Variants in CIITA observed in about 807,000 individuals in gnomAD.
CIITA encodes class II major histocompatibility complex transactivator, also known as MHC class II transactivator.
Under a neutral mutation model 115.1 loss-of-function variants are expected in CIITA, and 72 were observed. That is an observed-to-expected ratio of 0.63 (90% confidence interval 0.52 to 0.76). CIITA has a LOEUF of 0.76. Among genes scored for constraint, CIITA ranks in the 30% least tolerant of loss-of-function variants. The pLI is 0.00. For synonymous variants in CIITA, 763 were observed against 635.6 expected (o/e 1.20, Z -3.02); for missense variants, 1,617 against 1,463.8 (o/e 1.10, Z -1.71).
At position 10,942,041 on chromosome 16, in the gene CIITA, G is replaced by A; in HGVS notation, n.1167G>A. On this transcript the variant is annotated non_coding_transcript_exon_variant, in exon 2 of 2. Coordinates refer to the CIITA transcript ENST00000573379. The surrounding 1 kb of genome is among the most constrained non-coding windows in gnomAD (Gnocchi z 5.0). ...GCAAGGGCGGCGGCCCGGCGATCCCGGCGAACTCAGCCGCTGCGGCGCCCG... is the reference window on the plus strand; with the variant it reads ...GCAAGGGCGGCGGCCCGGCGATCCCAGCGAACTCAGCCGCTGCGGCGCCCG... 2 of 1,359,684 alleles carry A rather than the reference G, an allele frequency of 1.5e-6. No homozygotes were observed. The highest frequency in any genetic ancestry group is 1.9e-6 in the Non-Finnish European group (2 of 1,058,960). The allele number at this position is 1,359,684 out of a possible 1,614,324, so 84.2% of individuals were successfully genotyped here. A position where few individuals can be genotyped will look rare whatever the true frequency, so the allele number is the denominator to read the frequency against.
rs955341053 is a variant in CIITA, at chr16:10,923,548, G to T, written c.*22+223G>T. 1.3e-5 allele frequency among the ~76,000 whole-genome samples: 2 copies of T among 152,124 alleles called. No individual in the cohort carries two copies. Among genetic ancestry groups the T allele is most frequent in the African/African-American group, 2.4e-5 (1 of 41,424 alleles). ...CCTGTGGTCAGGCTTAGAGATCAGGGGACAGGAAAGTTGGCCATCCACATC... is the reference window on the plus strand; with the variant it reads ...CCTGTGGTCAGGCTTAGAGATCAGGTGACAGGAAAGTTGGCCATCCACATC... On this transcript the variant is annotated intron_variant, in intron 19 of 19. Coordinates refer to ENST00000324288, the MANE Select transcript of CIITA (RefSeq NM_000246.4). This position sits in a 1 kb window ranked among gnomAD's most constrained non-coding sequence, Gnocchi z 5.2.
intron 1 of CIITA, among the ~76,000 whole-genome samples, chr16:10,881,081 C>G (rs964197098): frequency 6.6e-6 from 1 of 152,132 alleles, no homozygotes. Context: ...CAAGACCAGC[C>G]TGGGCAACCT....
Position 10,908,108 on chromosome 16 carries a change from A to T in CIITA, c.2616A>T (p.Gly872=). 1 of 1,596,502 alleles carries T rather than the reference A, an allele frequency of 6.3e-7. No homozygotes were observed. Among genetic ancestry groups the T allele is most frequent in the Non-Finnish European group, 8.5e-7 (1 of 1,171,532 alleles). ...DLRSTGICPS[G]LGSLVGLSCV... ...GCAGCACTGGCATTTGCCCCTCTGG[A>T]TTGGGGAGCCTCGTGGGACTCAGCT... Residue 872 remains glycine, a synonymous_variant, in exon 11 of 20, where the codon GGA becomes GGT. Transcript: ENST00000324288.
intron 1 of CIITA, among the ~76,000 whole-genome samples, chr16:10,885,338 A>ATGTGTATGTG (rs2036836414): frequency 6.6e-6 from 1 of 152,016 alleles, no homozygotes; most frequent in African/African-American, 2.4e-5. Flanking sequence ...ACACACATAC[A>ATGTGTATGTG]CATGCACACA....
chr16:10,936,674 A>G (rs553582370), downstream of CIITA: 1 of 152,334 alleles, frequency 6.6e-6, no homozygotes, highest in East Asian at 1.9e-4. Flanking sequence ...CCTGGCAGAA[A>G]CTATGAGCTG....
Position 10,906,176 on chromosome 16 carries a change from T to C in CIITA, c.1007-323T>C, listed in dbSNP as rs576564836. Among the ~76,000 whole-genome samples the C allele has an allele frequency of 2.6e-5, 4 of 152,098 alleles. No individual in the cohort carries two copies. In the East Asian group the frequency reaches 5.8e-4, roughly 22 times the overall value. On this transcript the variant is annotated intron_variant, in intron 10 of 19. Transcript: ENST00000324288. ...CCATTGCACGCCAGCCTGGGCGACA[T>C]AGTGAGACCCCATCTCTACAAAAAA... is the stretch of plus-strand genomic sequence containing the variant.
Position 10,907,034 on chromosome 16 carries a change from G to A in CIITA, c.1542G>A (p.Thr514=), listed in dbSNP as rs2228239. 204 of 1,607,708 alleles carry A rather than the reference G, an allele frequency of 1.3e-4. 1 individual carries two copies. Among genetic ancestry groups the A allele is most frequent in the East Asian group, 4.5e-5 (2 of 44,854 alleles). ...LEAQDGFLHS[T]CGPAPAEPCS... Reference sequence around the variant, plus strand: ...CGCAAGATGGCTTCCTGCACAGCACGTGCGGACCGGCACCGGCGGAGCCCT... The same window carrying A: ...CGCAAGATGGCTTCCTGCACAGCACATGCGGACCGGCACCGGCGGAGCCCT... Residue 514 remains threonine, a synonymous_variant, in exon 11 of 20, where the codon ACG becomes ACA. Coordinates refer to ENST00000324288, the MANE Select transcript of CIITA (RefSeq NM_000246.4). The surrounding 1 kb of genome is among the most constrained non-coding windows in gnomAD (Gnocchi z 5.0).
intron 10 of CIITA, 53 bp from the exon 11 acceptor site, chr16:10,906,446 C>T (rs543881189): frequency 2.1e-5 from 34 of 1,594,246 alleles, no homozygotes; most frequent in South Asian, 4.4e-5. Flanking sequence ...GGTGGCTGGC[C>T]CTGGCCCTGC....
chr16:10,877,453 A>G, intron 1 of CIITA, 71 bp downstream of exon 1: 1 of 1,493,700 alleles, frequency 6.7e-7, no homozygotes, highest in Admixed American at 1.9e-5. Flanking sequence ...AGATAAACAG[A>G]GAAACCATTC....
chr16:10,897,845 C>T (rs2038291980), intron 3 of CIITA, among the ~76,000 whole-genome samples: 2 of 151,954 alleles, frequency 1.3e-5, no homozygotes, highest in Admixed American at 1.3e-4. Context: ...TTCATTATGG[C>T]CATCATTCCA....
At chr16:10,877,765 C>T (rs368059222) in intron 1 of CIITA, among the ~76,000 whole-genome samples, 4 of 152,368 alleles carry the variant, frequency 2.6e-5, no homozygotes, top group African/African-American at 9.6e-5. Flanking sequence ...GACTCCACTC[C>T]ATACCCAGAG....
At chr16:10,922,020 T>A (rs1413468658) in intron 16 of CIITA, 147 bp from the exon 17 acceptor site, 1 of 751,260 alleles carries the variant, frequency 1.3e-6, no homozygotes, top group Non-Finnish European at 2.4e-6. Flanking sequence ...CTTGGCACAA[T>A]GCCAGGCTCT....
chr16:10,902,684 T>G lies in CIITA; in HGVS notation c.655T>G (p.Cys219Gly). The G allele has an allele frequency of 6.2e-7, 1 of 1,614,254 alleles. No individual in the cohort carries two copies. The highest frequency in any genetic ancestry group is 1.1e-5 in the South Asian group (1 of 91,086). The change falls in exon 8 of 20, where the codon TGC (cysteine) becomes GGC (glycine). Residue 219 changes from cysteine (C) to glycine (G), a missense_variant. Physicochemically the swap from Cys to Gly is radical, Grantham distance 159 (BLOSUM62 -3). Coordinates refer to ENST00000324288, the MANE Select transcript of CIITA (RefSeq NM_000246.4). Reference sequence around the variant, plus strand: ...GCCTTTCTCCAGTTCCTCGTTGAGCTGCCTGAATCTCCCTGAGGGACCCAT... The same window carrying G: ...GCCTTTCTCCAGTTCCTCGTTGAGCGGCCTGAATCTCCCTGAGGGACCCAT... ...PMPFSSSSLS[C>G]LNLPEGPIQF...
chr16:10,894,041 A>G (rs528018685), intron 1 of CIITA, among the ~76,000 whole-genome samples: 7 of 152,088 alleles, frequency 4.6e-5, no homozygotes, highest in South Asian at 4.2e-4. Context: ...TAATAGAGAT[A>G]GGCTTTTGCT....
chr16:10,913,482 T>A (rs1233373450), intron 13 of CIITA: 1 of 161,012 alleles, frequency 6.2e-6, no homozygotes, highest in East Asian at 1.9e-4. Flanking sequence ...ATCTGGCTAA[T>A]TTTTTGTATT....
intron 5 of CIITA, among the ~76,000 whole-genome samples, chr16:10,900,492 C>A (rs1011637873): frequency 2.0e-5 from 3 of 152,144 alleles, no homozygotes; most frequent in Non-Finnish European, 4.4e-5. Flanking sequence ...GTAATCCCAG[C>A]ACTTTGGGAG....
downstream of CIITA, chr16:10,937,756 CT>C (rs1477040708): frequency 6.6e-6 from 1 of 152,270 alleles, no homozygotes; most frequent in Non-Finnish European, 1.5e-5. The surrounding 1 kb of genome is among the most constrained non-coding windows in gnomAD (Gnocchi z 4.2). Context: ...CACTGCAGCC[CT>C]TTCTCCTGGG....
At position 10,878,318 on chromosome 16, in the gene CIITA, G is replaced by A. The variant is rs1470285837; in HGVS notation, c.52+936G>A. Among the ~76,000 whole-genome samples, 3 of 152,118 alleles carry A rather than the reference G, an allele frequency of 2.0e-5. 1 individual carries two copies. ...AAGTGTTGGAGGGGGAGAAGTCAGAGGTAACCTTGCCCCCTCCCTCAATTC... is the reference window on the plus strand; with the variant it reads ...AAGTGTTGGAGGGGGAGAAGTCAGAAGTAACCTTGCCCCCTCCCTCAATTC... On this transcript the variant is annotated intron_variant, in intron 1 of 19. Transcript: ENST00000324288.
chr16:10,911,050 G>A (rs1169499277), intron 13 of CIITA, among the ~76,000 whole-genome samples: 1 of 152,096 alleles, frequency 6.6e-6, no homozygotes, highest in Non-Finnish European at 1.5e-5. Flanking sequence ...AGGCAGTGTT[G>A]CTGGGGTGAC....
Sources: allele counts gnomAD v4.1 joint callset (sites outside exome capture counted in the v4.1 genomes callset), GRCh38; gene constraint gnomAD v4.1.1; non-coding constraint Gnocchi (gnomAD v3.1); transcripts MANE v1.5; gene names NCBI Gene and HGNC (gene_info 2026-07-23, HGNC 2026-07-21).